The following RNF216 variants were observed in gnomAD, a reference collection of about 807,000 sequenced individuals.
RNF216 encodes ring finger protein 216.
Under a neutral mutation model 110.8 loss-of-function variants are expected in RNF216, and 72 were observed. The observed-to-expected ratio is 0.65, with a 90% confidence interval of 0.54 to 0.79. The LOEUF is 0.79. Among genes scored for constraint, RNF216 ranks in the 30% least tolerant of loss-of-function variants. The probability of loss-of-function intolerance (pLI) is 0.00; values close to 1 mark genes in which losing one functional copy is unlikely to be tolerated. For missense variants in RNF216, 1,342 were observed against 1,141.2 expected, an observed-to-expected ratio of 1.18 and a Z score of -2.54; for synonymous variants, 495 against 407.5, an observed-to-expected ratio of 1.21 and a Z score of -2.59.
chr7:5,643,729 G>A (rs1381273172), intron 14 of RNF216, among the ~76,000 whole-genome samples: 1 of 152,072 alleles, frequency 6.6e-6, no homozygotes, highest in African/African-American at 2.4e-5. Context: ...TACAATTCAG[G>A]GATATTTTGA....
At chr7:5,652,536 A>G in intron 13 of RNF216, 26 bp from the exon 14 acceptor site, 1 of 1,504,564 alleles carries the variant, frequency 6.6e-7, no homozygotes, top group Non-Finnish European at 9.3e-7. Flanking sequence ...AGACACAAAG[A>G]CAACTCCTGG....
At chr7:5,642,153 G>T (rs368727020) in intron 14 of RNF216, among the ~76,000 whole-genome samples, 73 of 151,170 alleles carry the variant, frequency 4.8e-4, no homozygotes, top group African/African-American at 1.7e-3. Context: ...ATCCGTTTAT[G>T]ATTTTAGTTA....
chr7:5,757,426 G>GT (rs397763936), intron 2 of RNF216, among the ~76,000 whole-genome samples: 1 of 151,508 alleles, frequency 6.6e-6, no homozygotes, highest in Non-Finnish European at 1.5e-5. Context: ...GTGTGTGTGT[G>GT]GCTATCTGCA....
chr7:5,728,583 A>AT, intron 7 of RNF216, among the ~76,000 whole-genome samples: 1 of 152,024 alleles, frequency 6.6e-6, no homozygotes, highest in East Asian at 1.9e-4. Flanking sequence ...CAAAAAAAAA[A>AT]AGAAAAAGAA....
chr7:5,655,306 G>T (rs1293492547), intron 13 of RNF216, among the ~76,000 whole-genome samples: 2 of 152,184 alleles, frequency 1.3e-5, no homozygotes, highest in African/African-American at 4.8e-5. Flanking sequence ...AGGGCCCGAG[G>T]GTCCCGGAGA....
At chr7:5,732,242 G>A (rs994211703) in intron 5 of RNF216, among the ~76,000 whole-genome samples, 2 of 152,208 alleles carry the variant, frequency 1.3e-5, no homozygotes, top group Admixed American at 6.5e-5. Flanking sequence ...TTTGAAGGCT[G>A]ACCTGAGAAT....
intron 13 of RNF216, among the ~76,000 whole-genome samples, chr7:5,683,047 T>A (rs1478524725): frequency 3.9e-5 from 6 of 152,144 alleles, no homozygotes; most frequent in African/African-American, 1.4e-4. Flanking sequence ...GAAAGTGCTA[T>A]GTCATGCTAA....
intron 2 of RNF216, among the ~76,000 whole-genome samples, chr7:5,759,160 G>T (rs562656284): frequency 6.6e-6 from 1 of 152,232 alleles, no homozygotes; most frequent in East Asian, 1.9e-4. Context: ...TGTGAGACAA[G>T]CGTGCTTCCC....
intron 3 of RNF216, among the ~76,000 whole-genome samples, chr7:5,749,855 G>C (rs926093812): frequency 6.6e-6 from 1 of 152,110 alleles, no homozygotes; most frequent in African/African-American, 2.4e-5. Context: ...ACATGAGACT[G>C]AATTGATAAA....
intron 2 of RNF216, among the ~76,000 whole-genome samples, chr7:5,758,808 A>G (rs998796904): frequency 1.3e-5 from 2 of 152,168 alleles, no homozygotes; most frequent in Admixed American, 1.3e-4. Context: ...CTTGTCACAG[A>G]TAAGACTGGA....
chr7:5,747,723 C>T (rs1188352351), intron 3 of RNF216, among the ~76,000 whole-genome samples: 5 of 103,824 alleles, frequency 4.8e-5, no homozygotes, highest in Non-Finnish European at 9.0e-5. Context: ...GCATCCTGGC[C>T]TGGGCAACAG....
chr7:5,700,256 C>T (rs1791879924), intron 13 of RNF216, among the ~76,000 whole-genome samples: 1 of 152,186 alleles, frequency 6.6e-6, no homozygotes, highest in Non-Finnish European at 1.5e-5. Flanking sequence ...AAGCCGCACA[C>T]GTGCACTCAC....
chr7:5,773,033 G>A (rs7807220), intron 1 of RNF216, among the ~76,000 whole-genome samples: 26,368 of 151,978 alleles, frequency 0.17, 2,958 homozygotes, highest in Middle Eastern at 0.33. Context: ...ACACGCCTCA[G>A]CCTCCCACAG....
rs1226497409 is a variant in RNF216 at position 5,652,418 on chromosome 7, G to C, written c.2154C>G (p.Thr718=). Residue 718 remains threonine (T), a synonymous_variant, in exon 14 of 17, where the codon ACC becomes ACG. Coordinates refer to ENST00000389902, the MANE Select transcript of RNF216 (RefSeq NM_207111.4). ...CTCTGAATTCTGTTACTCACATAGA[G>C]GTACGGTACTTGATGTCGTCTTTTT... ...LAEKDDIKYR[T]SIEEKMTAAR... The C allele has an allele frequency of 6.2e-7, 1 of 1,607,310 alleles. No individual in the cohort carries two copies. Among genetic ancestry groups the C allele is most frequent in the Admixed American group, 1.7e-5 (1 of 59,996 alleles).
At chr7:5,642,222 T>G (rs111727479) in intron 14 of RNF216, among the ~76,000 whole-genome samples, 12,007 of 151,218 alleles carry the variant, frequency 0.079, 1,023 homozygotes, top group African/African-American at 0.22. Flanking sequence ...GTTTTGTTTT[T>G]TTTTTTTTGA....
At chr7:5,657,180 G>A (rs184145584) in intron 13 of RNF216, among the ~76,000 whole-genome samples, 26 of 152,356 alleles carry the variant, frequency 1.7e-4, no homozygotes, top group African/African-American at 5.8e-4. Flanking sequence ...TCTCTAGGGG[G>A]AGAGAAGTCA....
At chr7:5,654,395 C>A (rs1788599237) in intron 13 of RNF216, among the ~76,000 whole-genome samples, 1 of 152,032 alleles carries the variant, frequency 6.6e-6, no homozygotes, top group African/African-American at 2.4e-5. Context: ...AAGCCTCAAT[C>A]AGGGTGGGCA....
At chr7:5,774,786 T>G (rs1796685910) in intron 1 of RNF216, among the ~76,000 whole-genome samples, 1 of 151,906 alleles carries the variant, frequency 6.6e-6, no homozygotes, top group African/African-American at 2.4e-5. Context: ...GAGACGAAGT[T>G]TTGCTCTTGT....
chr7:5,781,524 C>T lies in RNF216; in HGVS notation c.-70+17G>A, dbSNP rs1479798925. On this transcript the variant is annotated intron_variant, in intron 1 of 16. Transcript: ENST00000389902. ...ACCCGCCCAGGAGCTCGAGCGCGCC[C>T]CGCAGCCGACACTCACTCGTCACTC... 1 of 152,210 alleles carries T rather than the reference C, an allele frequency of 6.6e-6. No homozygotes were observed. The highest frequency in any genetic ancestry group is 1.5e-5 in the Non-Finnish European group (1 of 68,098). The allele number at this position is 152,210 out of a possible 1,614,324, so 9.4% of individuals were successfully genotyped here. A position where few individuals can be genotyped will look rare whatever the true frequency, so the allele number is the denominator to read the frequency against.
Sources: gnomAD v4.1 joint callset for allele counts (sites outside exome capture counted in the v4.1 genomes callset) on GRCh38, gnomAD v4.1.1 for gene constraint, MANE v1.5 for transcripts, NCBI Gene and HGNC (gene_info 2026-07-23, HGNC 2026-07-21) for gene names.